Variants in ERICH1 observed in about 807,000 individuals in gnomAD.
ERICH1 encodes glutamate rich 1.
Under a neutral mutation model 39.6 loss-of-function variants are expected in ERICH1, and 56 were observed. The ratio of observed to expected loss-of-function variants is 1.41; its 90% CI spans 1.14 to 1.77. The LOEUF is 1.77. ERICH1 is among the 40% of genes most tolerant of loss of function. The probability of loss-of-function intolerance (pLI) is 0.00; values close to 1 mark genes in which losing one functional copy is unlikely to be tolerated. For synonymous variants in ERICH1, 313 were observed against 223.6 expected (o/e 1.40, Z -3.57); for missense variants, 826 against 575.4 (o/e 1.44, Z -4.45).
At chr8:693,665 G>C (rs1809470391) in intron 2 of ERICH1, among the ~76,000 whole-genome samples, 1 of 151,650 alleles carries the variant, frequency 6.6e-6, no homozygotes, top group African/African-American at 2.4e-5. Flanking sequence ...ACGGTGGCTG[G>C]AACCTCCCTG....
At chr8:689,791 A>C (rs867507641) in intron 3 of ERICH1, among the ~76,000 whole-genome samples, 1 of 152,172 alleles carries the variant, frequency 6.6e-6, no homozygotes. Flanking sequence ...AGACGGACGT[A>C]AGCGGTATTT....
At chr8:649,646 C>T (rs933726166) in intron 3 of ERICH1, among the ~76,000 whole-genome samples, 5 of 152,222 alleles carry the variant, frequency 3.3e-5, no homozygotes, top group Admixed American at 1.3e-4. Context: ...GTGAGCCCTT[C>T]CTGCAGGAAG....
chr8:721,225 G>A (rs1817233216), intron 1 of ERICH1, among the ~76,000 whole-genome samples: 1 of 152,126 alleles, frequency 6.6e-6, no homozygotes. Context: ...AATATTTACA[G>A]CTGCTAAAAT....
At chr8:618,535 G>C (rs575903218) in intron 3 of ERICH1, among the ~76,000 whole-genome samples, 1 of 152,222 alleles carries the variant, frequency 6.6e-6, no homozygotes, top group South Asian at 2.1e-4. Flanking sequence ...CATGCTAACT[G>C]AGTGAGTGAC....
intron 3 of ERICH1, among the ~76,000 whole-genome samples, chr8:616,978 G>T (rs1796959943): frequency 7.3e-6 from 1 of 137,002 alleles, no homozygotes; most frequent in African/African-American, 2.9e-5. Flanking sequence ...GAGAGAGAGA[G>T]AGAGACATTG....
exon 4 of ERICH1, chr8:615,120 G>A (rs1018761047): frequency 1.2e-5 from 7 of 606,726 alleles, no homozygotes; most frequent in African/African-American, 1.9e-5. Context: ...CTGCATCTGA[G>A]TCTTGGGCTC....
intron 1 of ERICH1, among the ~76,000 whole-genome samples, chr8:730,201 G>A (rs1296907067): frequency 6.6e-6 from 1 of 152,214 alleles, no homozygotes; most frequent in African/African-American, 2.4e-5. Flanking sequence ...CTGATCAGGT[G>A]ACAATTCCCT....
intron 3 of ERICH1, among the ~76,000 whole-genome samples, chr8:635,228 G>A (rs1296341688): frequency 6.6e-6 from 1 of 152,166 alleles, no homozygotes; most frequent in Non-Finnish European, 1.5e-5. Context: ...AAAGAGCCAG[G>A]AAATACACAT....
rs139731216 is a variant in ERICH1, at chr8:708,681, G to GTTTTTTTTTTTTTTTTTTTTTT, written c.169+7158_169+7179dup. ...GGGCTGAGTGGTTACGGGATAATGA[G>GTTTTTTTTTTTTTTTTTTTTTT]TTTTTTTTTTTTTTTTTTTTTTTTT... On this transcript the variant is annotated intron_variant, in intron 2 of 5. Transcript: ENST00000262109. Among the ~76,000 whole-genome samples, 29 of 65,768 alleles carry GTTTTTTTTTTTTTTTTTTTTTT rather than the reference G, an allele frequency of 4.4e-4. 2 individuals carry two copies. The highest frequency in any genetic ancestry group is 5.4e-4 in the Non-Finnish European group (18 of 33,640). 43.1% of individuals were successfully genotyped at this position (65,768 alleles called of 152,430 possible). A position where few individuals can be genotyped will look rare whatever the true frequency, so the allele number is the denominator to read the frequency against.
At chr8:656,559 G>A (rs1219100424) in intron 3 of ERICH1, among the ~76,000 whole-genome samples, 1 of 152,172 alleles carries the variant, frequency 6.6e-6, no homozygotes, top group African/African-American at 2.4e-5. Flanking sequence ...ACTGCCCTTT[G>A]TAATGCGTCA....
intron 2 of ERICH1, among the ~76,000 whole-genome samples, chr8:697,332 G>A (rs969419866): frequency 6.6e-6 from 1 of 152,160 alleles, no homozygotes; most frequent in African/African-American, 2.4e-5. Flanking sequence ...TCTCTGAACA[G>A]CGATGGAGAA....
At chr8:706,964 AT>A (rs769862443) in intron 2 of ERICH1, among the ~76,000 whole-genome samples, 9 of 151,366 alleles carry the variant, frequency 5.9e-5, no homozygotes, top group Admixed American at 2.6e-4. Flanking sequence ...ATTTCAAATG[AT>A]TTTTTTTTGC....
chr8:664,352 A>C lies in ERICH1; in HGVS notation c.*251T>G. On this transcript the variant is annotated 3_prime_UTR_variant, in exon 6 of 6. Transcript: ENST00000262109. ...CATTTTCAATTTTTACAATAAGTAGAGAAACAGAATCAAGTTTTATGTAGT... is the reference window on the plus strand; with the variant it reads ...CATTTTCAATTTTTACAATAAGTAGCGAAACAGAATCAAGTTTTATGTAGT... 1 of 1,133,042 alleles carries C rather than the reference A, an allele frequency of 8.8e-7. No individual in the cohort carries two copies. The highest frequency in any genetic ancestry group is 1.1e-6 in the Non-Finnish European group (1 of 925,148). 70.2% of individuals were successfully genotyped at this position (1,133,042 alleles called of 1,614,324 possible). A position where few individuals can be genotyped will look rare whatever the true frequency, so the allele number is the denominator to read the frequency against.
intron 5 of ERICH1, 58 bp downstream of exon 5, chr8:668,540 G>C (rs1451545272): frequency 6.3e-7 from 1 of 1,599,292 alleles, no homozygotes; most frequent in Non-Finnish European, 8.6e-7. Flanking sequence ...GTCTTTCAGA[G>C]GCAAACCTCG....
At chr8:626,327 G>A (rs1797592743) in intron 3 of ERICH1, 1 of 152,164 alleles carries the variant, frequency 6.6e-6, no homozygotes, top group African/African-American at 2.4e-5. Flanking sequence ...GGGAACTTAT[G>A]GCTTGAAAGG....
chr8:637,634 T>G (rs1584986570), intron 3 of ERICH1: 1 of 152,052 alleles, frequency 6.6e-6, no homozygotes, highest in African/African-American at 2.4e-5. Flanking sequence ...CTGTGTGGGG[T>G]GCTCAGCTGT....
chr8:620,156 A>G (rs186815816), intron 3 of ERICH1, among the ~76,000 whole-genome samples: 8 of 151,686 alleles, frequency 5.3e-5, no homozygotes, highest in Non-Finnish European at 8.8e-5. Flanking sequence ...TACTAAAAAT[A>G]CAAAAATTAG....
At chr8:651,119 C>A (rs1392370433) in intron 3 of ERICH1, among the ~76,000 whole-genome samples, 1 of 152,188 alleles carries the variant, frequency 6.6e-6, no homozygotes, top group East Asian at 1.9e-4. Flanking sequence ...TTGATTCAGG[C>A]CAACATTGAT....
At chr8:644,518 G>C (rs1669717) in intron 3 of ERICH1, among the ~76,000 whole-genome samples, 46,149 of 67,584 alleles carry the variant, frequency 0.68, 21,818 homozygotes, top group African/African-American at 0.83. Context: ...CTGGTACATG[G>C]TTTAAATATT....
Sources: allele counts gnomAD v4.1 joint callset (sites outside exome capture counted in the v4.1 genomes callset), GRCh38; gene constraint gnomAD v4.1.1; transcripts MANE v1.5; gene names NCBI Gene and HGNC (gene_info 2026-07-23, HGNC 2026-07-21).